MYO5A: variants seen among roughly 807,000 people sequenced by gnomAD.
The protein encoded by MYO5A is unconventional myosin-Va.
MYO5A carries 98 observed loss-of-function variants against 249.7 expected under a neutral mutation model. The ratio of observed to expected loss-of-function variants is 0.39; its 90% CI spans 0.33 to 0.46. The LOEUF (loss-of-function observed/expected upper bound fraction) is 0.46, where lower values mean the gene tolerates loss of function less well. Ranked by LOEUF, MYO5A falls within the 20% of genes least tolerant of loss-of-function variation. The pLI is 0.98. For missense variants in MYO5A, 1,696 were observed against 2,308.8 expected (o/e 0.73, Z 5.44); for synonymous variants, 778 against 810.6 (o/e 0.96, Z 0.68).
intron 25 of MYO5A, among the ~76,000 whole-genome samples, chr15:52,355,451 G>A (rs1472681348): frequency 3.3e-5 from 5 of 152,186 alleles, no homozygotes; most frequent in Admixed American, 1.3e-4. Context: ...GCTTGGTTAG[G>A]CTTGGCTGTG....
chr15:52,334,590 C>G (rs778809694), intron 34 of MYO5A, among the ~76,000 whole-genome samples: 29 of 152,278 alleles, frequency 1.9e-4, no homozygotes, highest in Non-Finnish European at 3.5e-4. Flanking sequence ...ATTTGTACAT[C>G]CAACAGAGTA....
chr15:52,528,863 C>G lies in MYO5A; in HGVS notation c.-57G>C. On this transcript the variant is annotated 5_prime_UTR_variant, in exon 1 of 42. Coordinates refer to ENST00000399233, the MANE Select transcript of MYO5A (RefSeq NM_001382347.1). The stretch of plus-strand genomic sequence containing the variant: ...GTGCGGAGGCCGCACCTCGCCTGGG[C>G]GGCCGCCCGAGCGGACTAGGAAGCG... The G allele has an allele frequency of 1.4e-6, 2 of 1,421,142 alleles. No individual in the cohort carries two copies. Among genetic ancestry groups the G allele is most frequent in the African/African-American group, 3.0e-5 (2 of 66,938 alleles). 88.0% of individuals were successfully genotyped at this position (1,421,142 alleles called of 1,614,324 possible).
chr15:52,487,139 G>A (rs1037967807), intron 1 of MYO5A, among the ~76,000 whole-genome samples: 6 of 152,302 alleles, frequency 3.9e-5, no homozygotes, highest in Admixed American at 1.3e-4. Flanking sequence ...TACTAGGGCC[G>A]AAGCAGCAGC....
chr15:52,352,927 G>A (rs1284164290), intron 27 of MYO5A, among the ~76,000 whole-genome samples: 1 of 152,052 alleles, frequency 6.6e-6, no homozygotes, highest in Admixed American at 6.5e-5. Context: ...CCCACCAACT[G>A]GTAATCAGAT....
At chr15:52,332,641 A>T (rs1567026913) in intron 34 of MYO5A, among the ~76,000 whole-genome samples, 1 of 152,144 alleles carries the variant, frequency 6.6e-6, no homozygotes, top group Admixed American at 6.5e-5. Flanking sequence ...CATAACCTTG[A>T]TTGATTTTGC....
At chr15:52,524,553 C>CTAAATAAATAAATAAA (rs55753650) in intron 1 of MYO5A, among the ~76,000 whole-genome samples, 13 of 140,946 alleles carry the variant, frequency 9.2e-5, no homozygotes, top group East Asian at 4.1e-4. Flanking sequence ...GACCCTGAAC[C>CTAAATAAATAAATAAA]TAAATAAATA....
At chr15:52,498,053 A>G (rs2077078176) in intron 1 of MYO5A, among the ~76,000 whole-genome samples, 1 of 152,112 alleles carries the variant, frequency 6.6e-6, no homozygotes, top group African/African-American at 2.4e-5. Flanking sequence ...CAAAAAGAAT[A>G]GCAAATTAAA....
Position 52,384,331 on chromosome 15 carries a change from G to C in MYO5A, c.1753-9C>G. On this transcript the variant is annotated splice_polypyrimidine_tract_variant and intron_variant, in intron 14 of 41. Transcript: ENST00000399233. ...TCTGGTAGCATCTTAAACTAAGTCA[G>C]AAACAATATAAAGAAATTACATTCT... 1.2e-6 allele frequency: 2 copies of C among 1,613,746 alleles called. No individual in the cohort carries two copies. The highest frequency in any genetic ancestry group is 8.5e-7 in the Non-Finnish European group (1 of 1,179,670).
intron 1 of MYO5A, among the ~76,000 whole-genome samples, chr15:52,465,502 A>G (rs1356364147): frequency 2.6e-5 from 4 of 152,184 alleles, no homozygotes; most frequent in Non-Finnish European, 5.9e-5. Context: ...GTAAAAAAGC[A>G]AAGTCCCTTA....
At chr15:52,475,119 G>A (rs1242768387) in intron 1 of MYO5A, among the ~76,000 whole-genome samples, 2 of 152,048 alleles carry the variant, frequency 1.3e-5, no homozygotes, top group East Asian at 1.9e-4. Flanking sequence ...GTCTTGGGAG[G>A]GTGTATGTGT....
At position 52,324,998 on chromosome 15, in the gene MYO5A, G is replaced by A. The variant is rs888355493; in HGVS notation, c.4711-1554C>T. ...AAATAAATTAAATAAATTATTTACT[G>A]CCAGTAAATACAATTTTATTACTTT... is the stretch of plus-strand genomic sequence containing the variant. On this transcript the variant is annotated intron_variant, in intron 36 of 41. Coordinates refer to ENST00000399233, the MANE Select transcript of MYO5A (RefSeq NM_001382347.1). 2.0e-5 allele frequency among the ~76,000 whole-genome samples: 3 copies of A among 152,248 alleles called. No homozygotes were observed. The East Asian group carries it at 5.8e-4, about 29-fold the overall frequency.
rs1269154827 is a variant in MYO5A, at chr15:52,309,084, T to C, written c.*4612A>G. 1.3e-5 allele frequency: 2 copies of C among 152,340 alleles called. No individual in the cohort carries two copies. Among genetic ancestry groups the C allele is most frequent in the African/African-American group, 4.8e-5 (2 of 41,466 alleles). 9.4% of individuals were successfully genotyped at this position (152,340 alleles called of 1,614,324 possible). A position where few individuals can be genotyped will look rare whatever the true frequency, so the allele number is the denominator to read the frequency against. On this transcript the variant is annotated 3_prime_UTR_variant, in exon 42 of 42. Transcript: ENST00000399233. ...GGACCTAAACTGGGAAGGTGGCCTA[T>C]AGCTGCAGGCCTGTCCAGGCTGCAC... is the stretch of plus-strand genomic sequence containing the variant.
At chr15:52,339,125 TACAG>T (rs1298002256) in intron 32 of MYO5A, among the ~76,000 whole-genome samples, 6 of 150,560 alleles carry the variant, frequency 4.0e-5, no homozygotes, top group African/African-American at 1.3e-4. Flanking sequence ...TGGAGCCTCA[TACAG>T]ACAGACTGTG....
At chr15:52,443,586 C>T (rs1395259808) in intron 1 of MYO5A, among the ~76,000 whole-genome samples, 1 of 151,216 alleles carries the variant, frequency 6.6e-6, no homozygotes, top group Admixed American at 6.6e-5. Flanking sequence ...TGGTGGGTGC[C>T]TGTAATCCTA....
chr15:52,467,176 C>T (rs1724616), intron 1 of MYO5A, among the ~76,000 whole-genome samples: 119,801 of 152,090 alleles, frequency 0.79, 47,609 homozygotes, highest in South Asian at 0.84. Flanking sequence ...GCAATAGATC[C>T]TAAGCAGAAC....
chr15:52,396,708 A>G (rs2042503156), intron 10 of MYO5A, among the ~76,000 whole-genome samples: 1 of 152,204 alleles, frequency 6.6e-6, no homozygotes. Flanking sequence ...TCAGAATTAT[A>G]ATAAAGCCAT....
At chr15:52,393,891 T>C (rs1240445912) in intron 11 of MYO5A, among the ~76,000 whole-genome samples, 1 of 152,174 alleles carries the variant, frequency 6.6e-6, no homozygotes, top group East Asian at 1.9e-4. Flanking sequence ...ATGTGCTCTG[T>C]TTTTAAAAAT....
intron 37 of MYO5A, 146 bp from the exon 38 acceptor site, chr15:52,321,655 T>C: frequency 1.1e-6 from 1 of 879,782 alleles, no homozygotes; most frequent in Non-Finnish European, 1.9e-6. Context: ...CATTCTCAAA[T>C]GCTGATGTGT....
At chr15:52,438,203 C>T (rs113224342) in intron 1 of MYO5A, 145 of 235,502 alleles carry the variant, frequency 6.2e-4, no homozygotes, top group African/African-American at 3.5e-3. Flanking sequence ...CCTGCCTCCC[C>T]CAGGCCGCAA....
Sources: gnomAD v4.1 joint callset for allele counts (sites outside exome capture counted in the v4.1 genomes callset) on GRCh38, gnomAD v4.1.1 for gene constraint, MANE v1.5 for transcripts, NCBI Gene and HGNC (gene_info 2026-07-23, HGNC 2026-07-21) for gene names.